Variants in RGS12 observed in about 807,000 individuals in gnomAD.
The protein encoded by RGS12 is regulator of G-protein signaling 12.
In RGS12, 66 loss-of-function variants were observed where a neutral mutation model predicts 120.1. The ratio of observed to expected loss-of-function variants is 0.55; its 90% CI spans 0.45 to 0.67. RGS12 has a LOEUF of 0.67. RGS12 is among the 30% of genes least tolerant of loss of function. RGS12 has a pLI of 0.00. For synonymous variants in RGS12, 827 were observed against 804.7 expected (o/e 1.03, Z -0.47); for missense variants, 1,859 against 1,957.7 (o/e 0.95, Z 0.95).
chr4:3,432,440 T>C (rs57022690), intron 17 of RGS12, among the ~76,000 whole-genome samples: 1,952 of 152,324 alleles, frequency 0.013, 46 homozygotes, highest in African/African-American at 0.044. Flanking sequence ...CTGCTGGCCT[T>C]CGGGCTGCAG....
chr4:3,335,673 C>A (rs1349559877), intron 2 of RGS12, among the ~76,000 whole-genome samples: 1 of 152,142 alleles, frequency 6.6e-6, no homozygotes, highest in African/African-American at 2.4e-5. Flanking sequence ...GGGCTGGGTG[C>A]CATGGCTCAC....
chr4:3,419,786 A>G (rs560004876), intron 9 of RGS12, among the ~76,000 whole-genome samples: 2 of 152,198 alleles, frequency 1.3e-5, no homozygotes, highest in African/African-American at 4.8e-5. Flanking sequence ...GTGCCACTGT[A>G]CTCCAGCCTG....
chr4:3,374,197 T>C lies in RGS12; in HGVS notation c.1999-12219T>C, dbSNP rs1473506381. On this transcript the variant is annotated intron_variant, in intron 3 of 17. Coordinates refer to ENST00000336727, the MANE Select transcript of RGS12 (RefSeq NM_001394154.1). The surrounding 1 kb of genome is among the most constrained non-coding windows in gnomAD (Gnocchi z 6.3). ...GCAACGCTTGCCATCCTACGCATGA[T>C]GCAGGGACCCCGGCCCTCCGCAGAC... Among the ~76,000 whole-genome samples the C allele has an allele frequency of 6.6e-6, 1 of 152,248 alleles. No individual in the cohort carries two copies. Among genetic ancestry groups the C allele is most frequent in the Non-Finnish European group, 1.5e-5 (1 of 68,034 alleles).
chr4:3,302,670 C>A (rs1723748947), intron 1 of RGS12, among the ~76,000 whole-genome samples: 1 of 152,210 alleles, frequency 6.6e-6, no homozygotes, highest in African/African-American at 2.4e-5. Flanking sequence ...CGTCTCTGTG[C>A]ATGAGAAGGG....
chr4:3,394,934 C>T (rs998995668), intron 4 of RGS12, among the ~76,000 whole-genome samples: 2 of 152,002 alleles, frequency 1.3e-5, no homozygotes, highest in African/African-American at 2.4e-5. Flanking sequence ...TTTGGGAGGC[C>T]GAGACAGGTG....
intron 3 of RGS12, among the ~76,000 whole-genome samples, chr4:3,355,361 A>C (rs573799716): frequency 1.6e-4 from 24 of 152,328 alleles, no homozygotes; most frequent in African/African-American, 5.0e-4. Context: ...GAAAGATTTC[A>C]ATTTAAATCG....
rs558015702 is a variant in RGS12, at chr4:3,389,680, G to A, written c.2020+3243G>A. On this transcript the variant is annotated intron_variant, in intron 4 of 17. Coordinates refer to ENST00000336727, the MANE Select transcript of RGS12 (RefSeq NM_001394154.1). The surrounding 1 kb of genome is among the most constrained non-coding windows in gnomAD (Gnocchi z 5.2). ...TGTGACCACCTCACCTTCTGAAGTC[G>A]GGGTGTGGAGACTATCGGGGAGCTC... Among the ~76,000 whole-genome samples the A allele has an allele frequency of 2.9e-4, 44 of 152,268 alleles. No homozygotes were observed. The East Asian group carries it at 7.7e-3, about 27-fold the overall frequency.
intron 1 of RGS12, among the ~76,000 whole-genome samples, chr4:3,295,730 C>T (rs923490029): frequency 6.6e-6 from 1 of 150,700 alleles, no homozygotes; most frequent in Non-Finnish European, 1.5e-5. Context: ...CAACAAAAAG[C>T]AGGCTGAAGG....
At chr4:3,384,187 C>G (rs940565567) in intron 3 of RGS12, among the ~76,000 whole-genome samples, 2 of 152,188 alleles carry the variant, frequency 1.3e-5, no homozygotes, top group Non-Finnish European at 2.9e-5. Flanking sequence ...CGGAGTCTCA[C>G]TCTCTCACCC....
In RGS12 at chr4:3,384,593, C is replaced by T. The variant is rs528555200; in HGVS notation, c.1999-1823C>T. Among the ~76,000 whole-genome samples the T allele has an allele frequency of 3.3e-5, 5 of 152,364 alleles. No homozygotes were observed. The East Asian group carries it at 5.8e-4, about 18-fold the overall frequency. On this transcript the variant is annotated intron_variant, in intron 3 of 17. Transcript: ENST00000336727. Reference sequence around the variant, plus strand: ...AGCCTCTGATAAAAACCAGTTCCTGCGGCTGAGGGCCAAGGGCCACATGGT... The same window carrying T: ...AGCCTCTGATAAAAACCAGTTCCTGTGGCTGAGGGCCAAGGGCCACATGGT...
At chr4:3,408,766 C>T (rs921476378) in intron 4 of RGS12, among the ~76,000 whole-genome samples, 2 of 152,142 alleles carry the variant, frequency 1.3e-5, no homozygotes, top group Non-Finnish European at 2.9e-5. Context: ...CTTCTCTTTC[C>T]GGCTCCTCCA....
chr4:3,296,214 C>T (rs1723372999), intron 1 of RGS12, among the ~76,000 whole-genome samples: 2 of 152,216 alleles, frequency 1.3e-5, no homozygotes. Context: ...GACAGGGTCT[C>T]ACTTTGTTGC....
upstream of RGS12, among the ~76,000 whole-genome samples, chr4:3,289,747 AGATCTT>A (rs113227506): frequency 0.059 from 8,910 of 152,186 alleles, 436 homozygotes; most frequent in African/African-American, 0.14. Context: ...GCTGTACAAT[AGATCTT>A]CTGAACTTAA....
At position 3,317,423 on chromosome 4, in the gene RGS12, C is replaced by T; in HGVS notation, c.1253C>T (p.Thr418Ile). The T allele has an allele frequency of 1.2e-6, 2 of 1,614,092 alleles. No homozygotes were observed. Among genetic ancestry groups the T allele is most frequent in the Non-Finnish European group, 8.5e-7 (1 of 1,180,038 alleles). ...GCCGATGCCCACCAGAACAACAGCA[C>T]CAGCAGCAACAGTGACAGCGGCATT... ...GDADAHQNNS[T>I]SSNSDSGIGN... is the part of the protein sequence containing the mutation. The change falls in exon 2 of 18, where the codon ACC (threonine) becomes ATC (isoleucine). Residue 418 changes from threonine to isoleucine, a missense_variant. By Grantham distance (89) the Thr-to-Ile change is moderately conservative (BLOSUM62 -1). Around this residue, in one of 3 missense-constraint regions of RGS12, gnomAD observed 967 missense variants for 994.2 expected, o/e 0.97. Transcript: ENST00000336727.
At chr4:3,344,065 C>T (rs983932776) in intron 3 of RGS12, among the ~76,000 whole-genome samples, 15 of 152,120 alleles carry the variant, frequency 9.9e-5, no homozygotes, top group Non-Finnish European at 2.2e-4. Flanking sequence ...GCGTGTGGGA[C>T]GGGCGAGAGT....
At chr4:3,434,089 A>G (rs923427719) in intron 17 of RGS12, among the ~76,000 whole-genome samples, 8 of 152,216 alleles carry the variant, frequency 5.3e-5, no homozygotes, top group African/African-American at 1.4e-4. Context: ...AAGACTAGGT[A>G]ATTTATAAAG....
At chr4:3,377,012 T>A (rs991518677) in intron 3 of RGS12, among the ~76,000 whole-genome samples, 1 of 151,896 alleles carries the variant, frequency 6.6e-6, no homozygotes, top group African/African-American at 2.4e-5. Flanking sequence ...ATTGTTAAAT[T>A]CTTTTTTTTT....
At chr4:3,400,682 G>A (rs1040804537) in intron 4 of RGS12, among the ~76,000 whole-genome samples, 4 of 148,398 alleles carry the variant, frequency 2.7e-5, no homozygotes, top group African/African-American at 9.8e-5. Flanking sequence ...ATTAGAATTA[G>A]TATTAGTATT....
At chr4:3,409,272 T>C (rs1192483024) in intron 4 of RGS12, among the ~76,000 whole-genome samples, 1 of 152,206 alleles carries the variant, frequency 6.6e-6, no homozygotes, top group Non-Finnish European at 1.5e-5. Context: ...GGAATACAGA[T>C]TCCCTGGGCG....
Sources: gnomAD v4.1 joint callset for allele counts (sites outside exome capture counted in the v4.1 genomes callset) on GRCh38, gnomAD v4.1.1 for gene constraint, gnomAD v4.1.1 regional missense constraint, Gnocchi (gnomAD v3.1) non-coding constraint, MANE v1.5 for transcripts, NCBI Gene and HGNC (gene_info 2026-07-23, HGNC 2026-07-21) for gene names.